PIGK: variants seen among roughly 807,000 people sequenced by gnomAD.
The protein encoded by PIGK is GPI-anchor transamidase.
PIGK carries 42 observed loss-of-function variants against 50.6 expected under a neutral mutation model. The ratio of observed to expected loss-of-function variants is 0.83; its 90% CI spans 0.65 to 1.07. The LOEUF (loss-of-function observed/expected upper bound fraction) is 1.07, where lower values mean the gene tolerates loss of function less well. PIGK is among the 50% of genes least tolerant of loss of function. PIGK has a pLI of 0.00. For synonymous variants in PIGK, 151 were observed against 156.0 expected (o/e 0.97, Z 0.24); for missense variants, 448 against 488.7 (o/e 0.92, Z 0.78).
intron 4 of PIGK, among the ~76,000 whole-genome samples, chr1:77,168,253 T>C (rs1193377000): frequency 2.6e-5 from 4 of 152,192 alleles, no homozygotes; most frequent in Admixed American, 1.3e-4. Flanking sequence ...TCATATATTA[T>C]GCATATCTAC....
intron 10 of PIGK, among the ~76,000 whole-genome samples, chr1:77,105,255 TG>T (rs1320676540): frequency 7.1e-6 from 1 of 140,770 alleles, no homozygotes. Context: ...CAACTGAGTC[TG>T]GGGTCTTTAT....
intron 5 of PIGK, 152 bp downstream of exon 5, chr1:77,166,567 T>C (rs1486393786): frequency 1.8e-5 from 9 of 498,632 alleles, no homozygotes; most frequent in Non-Finnish European, 3.2e-5. Flanking sequence ...TCAGATATCA[T>C]CTCAAATAGT....
chr1:77,200,072 G>C (rs1656125400), intron 3 of PIGK, among the ~76,000 whole-genome samples: 1 of 152,108 alleles, frequency 6.6e-6, no homozygotes. Flanking sequence ...GAAAATTTTG[G>C]ATTTGTTAGA....
chr1:77,213,393 G>C (rs548046993), intron 1 of PIGK, among the ~76,000 whole-genome samples: 66 of 152,026 alleles, frequency 4.3e-4, no homozygotes, highest in Non-Finnish European at 8.1e-4. Context: ...AAAAGAACTA[G>C]CAATCAATTA....
intron 9 of PIGK, among the ~76,000 whole-genome samples, chr1:77,136,037 C>G (rs893926900): frequency 2.0e-5 from 3 of 151,996 alleles, no homozygotes; most frequent in Non-Finnish European, 4.4e-5. Context: ...TTCCCTTTTT[C>G]AAAAAGTGCA....
intron 9 of PIGK, among the ~76,000 whole-genome samples, chr1:77,140,463 A>C (rs971466833): frequency 2.0e-5 from 3 of 152,034 alleles, no homozygotes; most frequent in African/African-American, 7.3e-5. Context: ...AAAAGTAGAT[A>C]CCCCTATGCT....
In PIGK at chr1:77,169,241, G is replaced by T; in HGVS notation, c.375+19C>A. On this transcript the variant is annotated intron_variant, in intron 4 of 10. Transcript: ENST00000370812. ...GTAACAATGCCATTTTAAAAATGTG[G>T]CTAGATTAAAGAATTTACCTCGTAA... 1.4e-6 allele frequency: 2 copies of T among 1,468,484 alleles called. No individual in the cohort carries two copies. Among genetic ancestry groups the T allele is most frequent in the Admixed American group, 2.3e-5 (1 of 44,312 alleles). 91.0% of individuals were successfully genotyped at this position (1,468,484 alleles called of 1,614,324 possible).
intron 3 of PIGK, among the ~76,000 whole-genome samples, chr1:77,181,653 T>C (rs1257384111): frequency 6.6e-6 from 1 of 152,184 alleles, no homozygotes; most frequent in Non-Finnish European, 1.5e-5. Flanking sequence ...GCAGGAAATA[T>C]GAGGGTCACA....
chr1:77,169,139 T>C, intron 4 of PIGK, 121 bp downstream of exon 4: 1 of 577,474 alleles, frequency 1.7e-6, no homozygotes, highest in Non-Finnish European at 2.8e-6. Context: ...AGAAGTTACA[T>C]CAAGGCTTCA....
At chr1:77,140,099 C>A (rs1374149471) in intron 9 of PIGK, among the ~76,000 whole-genome samples, 3 of 152,074 alleles carry the variant, frequency 2.0e-5, no homozygotes, top group African/African-American at 7.2e-5. Context: ...CTGTAATCCC[C>A]AATGCTGGAG....
chr1:77,154,768 A>C (rs1190822636), intron 8 of PIGK, 147 bp from the exon 9 acceptor site: 1 of 603,990 alleles, frequency 1.7e-6, no homozygotes, highest in Non-Finnish European at 2.9e-6. Context: ...TAAAGATTAA[A>C]GTTTCATTCC....
intron 9 of PIGK, among the ~76,000 whole-genome samples, chr1:77,152,649 T>C (rs1199305030): frequency 6.7e-6 from 1 of 149,956 alleles, no homozygotes; most frequent in Non-Finnish European, 1.5e-5. Context: ...TTGAAACAAC[T>C]CAATGGCAAA....
At chr1:77,168,112 T>A (rs1372526846) in intron 4 of PIGK, among the ~76,000 whole-genome samples, 1 of 152,226 alleles carries the variant, frequency 6.6e-6, no homozygotes, top group African/African-American at 2.4e-5. Context: ...AGTGGTATCT[T>A]TAACATGTAA....
Position 77,090,861 on chromosome 1 carries a change from A to C in PIGK, c.*1513T>G, listed in dbSNP as rs1653280225. Reference sequence around the variant, plus strand: ...TCAATAAAAAGATCAATTAAAATAAAGATTCAGAGCTGGCAAAAAGCCTCA... The same window carrying C: ...TCAATAAAAAGATCAATTAAAATAACGATTCAGAGCTGGCAAAAAGCCTCA... On this transcript the variant is annotated 3_prime_UTR_variant, in exon 11 of 11. Transcript: ENST00000370812. 6.6e-6 allele frequency: 1 copy of C among 152,230 alleles called. No individual in the cohort carries two copies. Among genetic ancestry groups the C allele is most frequent in the African/African-American group, 2.4e-5 (1 of 41,464 alleles). 9.4% of individuals were successfully genotyped at this position (152,230 alleles called of 1,614,324 possible). A position where few individuals can be genotyped will look rare whatever the true frequency, so the allele number is the denominator to read the frequency against.
intron 3 of PIGK, among the ~76,000 whole-genome samples, chr1:77,178,128 C>T (rs2100566938): frequency 6.6e-6 from 1 of 152,260 alleles, no homozygotes; most frequent in South Asian, 2.1e-4. Flanking sequence ...ATTTTGCAGC[C>T]AGTCTTATAT....
intron 9 of PIGK, among the ~76,000 whole-genome samples, chr1:77,150,528 G>C (rs559333493): frequency 6.7e-6 from 1 of 150,374 alleles, no homozygotes; most frequent in East Asian, 1.9e-4. Context: ...AAAAGAAATT[G>C]AGACTAAAAA....
chr1:77,113,716 T>C (rs1185011030), intron 10 of PIGK, among the ~76,000 whole-genome samples: 1 of 152,150 alleles, frequency 6.6e-6, no homozygotes, highest in Non-Finnish European at 1.5e-5. Context: ...TCCAGATAGT[T>C]CAAAAATGCC....
chr1:77,146,072 G>A (rs1197775879), intron 9 of PIGK, among the ~76,000 whole-genome samples: 1 of 152,002 alleles, frequency 6.6e-6, no homozygotes, highest in Non-Finnish European at 1.5e-5. Flanking sequence ...TCGAACCATT[G>A]TAAGTAAGTT....
chr1:77,148,566 A>T (rs936258300), intron 9 of PIGK, among the ~76,000 whole-genome samples: 2 of 152,186 alleles, frequency 1.3e-5, no homozygotes, highest in Admixed American at 6.5e-5. Flanking sequence ...ACAATTTGTC[A>T]ACATAGGCAA....
Sources: gnomAD v4.1 joint callset for allele counts (sites outside exome capture counted in the v4.1 genomes callset) on GRCh38, gnomAD v4.1.1 for gene constraint, MANE v1.5 for transcripts, NCBI Gene and HGNC (gene_info 2026-07-23, HGNC 2026-07-21) for gene names.